The following FBXL7 variants were observed in gnomAD, a reference collection of about 807,000 sequenced individuals.
FBXL7 encodes the protein F-box/LRR-repeat protein 7.
A neutral mutation model predicts 38.3 loss-of-function variants in FBXL7; 12 were observed. The ratio of observed to expected loss-of-function variants is 0.31; its 90% CI spans 0.20 to 0.51. The LOEUF (loss-of-function observed/expected upper bound fraction) is 0.51, where lower values mean the gene tolerates loss of function less well. Ranked by LOEUF, FBXL7 falls within the 20% of genes least tolerant of loss-of-function variation. FBXL7 has a pLI of 0.98. For synonymous variants in FBXL7, 297 were observed against 300.9 expected, an observed-to-expected ratio of 0.99 and a Z score of 0.13; for missense variants, 567 against 676.4, an observed-to-expected ratio of 0.84 and a Z score of 1.79.
intron 2 of FBXL7, among the ~76,000 whole-genome samples, chr5:15,736,561 T>C (rs760148361): frequency 1.5e-4 from 23 of 152,186 alleles, no homozygotes; most frequent in Non-Finnish European, 1.9e-4. Context: ...ATACACAAAT[T>C]ATTTCTAAGT....
At chr5:15,806,272 A>G (rs1214677468) in intron 2 of FBXL7, among the ~76,000 whole-genome samples, 3 of 152,202 alleles carry the variant, frequency 2.0e-5, no homozygotes, top group Non-Finnish European at 1.5e-5. Flanking sequence ...ATTTTATTTT[A>G]GTCAAAGTAG....
chr5:15,530,222 T>A (rs527253124), intron 1 of FBXL7, among the ~76,000 whole-genome samples: 11 of 152,318 alleles, frequency 7.2e-5, no homozygotes, highest in African/African-American at 2.6e-4. Flanking sequence ...TTTGTTTGAG[T>A]CATTTTTCAT....
intron 1 of FBXL7, among the ~76,000 whole-genome samples, chr5:15,558,486 TGCCAGGCCACATTTGACTCTA>T (rs1738318966): frequency 6.6e-6 from 1 of 152,178 alleles, no homozygotes; most frequent in Admixed American, 6.5e-5. Flanking sequence ...ATCACACAGG[TGCCAGGCCACATTTGACTCTA>T]AATGGCATAT....
chr5:15,586,241 TAA>T (rs1405697485), intron 1 of FBXL7, among the ~76,000 whole-genome samples: 1 of 150,804 alleles, frequency 6.6e-6, no homozygotes, highest in East Asian at 2.0e-4. Context: ...CCCTCCCTTT[TAA>T]AAAGTTTCTC....
rs565654861 is a variant in FBXL7 at position 15,697,190 on chromosome 5, G to A, written c.127+81118G>A. Among the ~76,000 whole-genome samples, 5 of 152,252 alleles carry A rather than the reference G, an allele frequency of 3.3e-5. No individual in the cohort carries two copies. The East Asian group carries it at 5.8e-4, about 18-fold the overall frequency. ...TTGGAGACCAGAGTGATTTCTAGGG[G>A]AGTTTGGTGTTTTTGTTGGGCCTTA... is the stretch of plus-strand genomic sequence containing the variant. On this transcript the variant is annotated intron_variant, in intron 2 of 3. Transcript: ENST00000504595.
chr5:15,894,782 G>A (rs991207673), intron 2 of FBXL7, among the ~76,000 whole-genome samples: 3 of 152,188 alleles, frequency 2.0e-5, no homozygotes, highest in Admixed American at 2.0e-4. Context: ...GAAAATATCT[G>A]GAGTTGGCCC....
chr5:15,862,580 C>T (rs1316751003), intron 2 of FBXL7, among the ~76,000 whole-genome samples: 3 of 152,274 alleles, frequency 2.0e-5, no homozygotes, highest in Admixed American at 6.5e-5. Context: ...CTGTAGAGTA[C>T]CTGAGGTTCA....
chr5:15,846,472 T>C (rs777938485), intron 2 of FBXL7, among the ~76,000 whole-genome samples: 1 of 152,186 alleles, frequency 6.6e-6, no homozygotes, highest in Non-Finnish European at 1.5e-5. Context: ...ATCAGGTAGC[T>C]CCAAGCCAGA....
chr5:15,618,312 G>C (rs1740517094), intron 2 of FBXL7, among the ~76,000 whole-genome samples: 1 of 152,160 alleles, frequency 6.6e-6, no homozygotes, highest in Admixed American at 6.5e-5. Context: ...AGTAGAAGAG[G>C]CTTGTCCCTA....
At chr5:15,582,530 G>A (rs1315309626) in intron 1 of FBXL7, among the ~76,000 whole-genome samples, 1 of 152,114 alleles carries the variant, frequency 6.6e-6, no homozygotes, top group Non-Finnish European at 1.5e-5. Context: ...AGACAACATT[G>A]CCATGCCAAT....
At chr5:15,794,274 A>G (rs1056313802) in intron 2 of FBXL7, among the ~76,000 whole-genome samples, 9 of 152,224 alleles carry the variant, frequency 5.9e-5, no homozygotes, top group Admixed American at 1.3e-4. Flanking sequence ...GACTGTTTCC[A>G]TAGTATTTTA....
At chr5:15,616,382 A>G (rs1422113141) in intron 2 of FBXL7, among the ~76,000 whole-genome samples, 1 of 152,192 alleles carries the variant, frequency 6.6e-6, no homozygotes, top group Non-Finnish European at 1.5e-5. Flanking sequence ...CCGTATAAAA[A>G]ATGATATTAT....
At chr5:15,750,682 A>AT (rs76939451) in intron 2 of FBXL7, among the ~76,000 whole-genome samples, 8,222 of 150,472 alleles carry the variant, frequency 0.055, 241 homozygotes, top group East Asian at 0.1. Context: ...TTGCTTGTGC[A>AT]TTTTTTTTTC....
intron 2 of FBXL7, among the ~76,000 whole-genome samples, chr5:15,714,164 A>G (rs1383245394): frequency 6.6e-6 from 1 of 152,120 alleles, no homozygotes; most frequent in Non-Finnish European, 1.5e-5. Context: ...CCAGTGTTAG[A>G]GGAGGGGTTT....
intron 2 of FBXL7, among the ~76,000 whole-genome samples, chr5:15,870,260 C>A (rs1739897545): frequency 1.3e-5 from 2 of 151,918 alleles, no homozygotes; most frequent in Non-Finnish European, 2.9e-5. Context: ...CATAAGCAGG[C>A]ATTCAGGGGT....
intron 2 of FBXL7, among the ~76,000 whole-genome samples, chr5:15,880,743 T>A (rs1157113479): frequency 7.8e-6 from 1 of 128,268 alleles, no homozygotes; most frequent in Non-Finnish European, 1.6e-5. Flanking sequence ...ATATATAAAG[T>A]AATATATACT....
At chr5:15,920,658 T>A (rs904783454) in intron 2 of FBXL7, among the ~76,000 whole-genome samples, 1 of 152,176 alleles carries the variant, frequency 6.6e-6, no homozygotes, top group African/African-American at 2.4e-5. Flanking sequence ...GTAGCTGGGA[T>A]TACAGGCACC....
chr5:15,588,920 A>C (rs1242669735), intron 1 of FBXL7, among the ~76,000 whole-genome samples: 1 of 152,076 alleles, frequency 6.6e-6, no homozygotes, highest in East Asian at 1.9e-4. Context: ...AACTCAACTT[A>C]TTTTTGTGTT....
intron 2 of FBXL7, among the ~76,000 whole-genome samples, chr5:15,663,891 T>G (rs916645090): frequency 1.3e-5 from 2 of 152,206 alleles, no homozygotes; most frequent in Non-Finnish European, 2.9e-5. Flanking sequence ...TTTCTGAAAG[T>G]CAGTTATTAT....
Sources: allele counts gnomAD v4.1 joint callset (sites outside exome capture counted in the v4.1 genomes callset), GRCh38; gene constraint gnomAD v4.1.1; transcripts MANE v1.5; gene names NCBI Gene and HGNC (gene_info 2026-07-23, HGNC 2026-07-21).